Variants in COL25A1 observed in about 807,000 individuals in gnomAD.
COL25A1 encodes the protein collagen type XXV alpha 1 chain.
COL25A1 carries 103 observed loss-of-function variants against 128.4 expected under a neutral mutation model. The observed-to-expected ratio is 0.80, with a 90% CI of 0.68 to 0.94. The LOEUF (loss-of-function observed/expected upper bound fraction) is 0.94. Among genes scored for constraint, COL25A1 ranks in the 40% least tolerant of loss-of-function variants. The pLI, the probability that COL25A1 is intolerant of heterozygous loss-of-function variation, is 0.00. For synonymous variants in COL25A1, 279 were observed against 277.2 expected, an observed-to-expected ratio of 1.01 and a Z score of -0.06; for missense variants, 745 against 840.0, an observed-to-expected ratio of 0.89 and a Z score of 1.40.
At chr4:109,070,122 G>C (rs899191328) in intron 3 of COL25A1, among the ~76,000 whole-genome samples, 1 of 151,922 alleles carries the variant, frequency 6.6e-6, no homozygotes, top group East Asian at 1.9e-4. Context: ...AGCCGGGCAT[G>C]GGGTGTATGC....
At chr4:108,866,802 T>G (rs1737983486) in intron 20 of COL25A1, among the ~76,000 whole-genome samples, 2 of 152,210 alleles carry the variant, frequency 1.3e-5, no homozygotes, top group Admixed American at 1.3e-4. Flanking sequence ...CAACACAAAT[T>G]AGATATTTCA....
intron 11 of COL25A1, among the ~76,000 whole-genome samples, chr4:108,932,072 G>A (rs918006867): frequency 2.0e-5 from 3 of 152,080 alleles, no homozygotes; most frequent in African/African-American, 7.2e-5. Flanking sequence ...AAGGTTTGGG[G>A]GTCTTGCTTC....
intron 13 of COL25A1, among the ~76,000 whole-genome samples, chr4:108,911,850 C>T (rs1028226079): frequency 3.4e-5 from 5 of 145,324 alleles, no homozygotes; most frequent in African/African-American, 1.3e-4. Flanking sequence ...TTTACTTCCT[C>T]AGCTACCCCT....
intron 3 of COL25A1, among the ~76,000 whole-genome samples, chr4:109,178,233 C>T (rs1365641063): frequency 2.6e-5 from 4 of 152,176 alleles, no homozygotes; most frequent in African/African-American, 7.2e-5. Context: ...TTGCCAAATA[C>T]ATTTCGCCTA....
chr4:109,210,876 C>T (rs1429764225), intron 3 of COL25A1, among the ~76,000 whole-genome samples: 1 of 152,058 alleles, frequency 6.6e-6, no homozygotes, highest in Non-Finnish European at 1.5e-5. Flanking sequence ...TGCAGCAACA[C>T]GGATGGTGCT....
rs1725643035 is a variant in COL25A1 at position 109,302,358 on chromosome 4, G to T, written c.-246C>A. On this transcript the variant is annotated 5_prime_UTR_variant, in exon 1 of 38. It adds an upstream start codon to the 5' untranslated region. Transcript: ENST00000399132. ...GACACCTCTTTCGAGGGCCCCAACA[G>T]TGGCCGCTCAGGGTCCGAGGGCAAC... is the stretch of plus-strand genomic sequence containing the variant. 2 of 263,362 alleles carry T rather than the reference G, an allele frequency of 7.6e-6. No homozygotes were observed. The highest frequency in any genetic ancestry group is 1.4e-5 in the Non-Finnish European group (2 of 140,128). The allele number at this position is 263,362 out of a possible 1,614,324, so 16.3% of individuals were successfully genotyped here.
chr4:109,015,828 A>T (rs1757157215), intron 5 of COL25A1, among the ~76,000 whole-genome samples: 1 of 152,266 alleles, frequency 6.6e-6, no homozygotes, highest in South Asian at 2.1e-4. Flanking sequence ...ACAGGAGTAT[A>T]CATTACTTTA....
intron 6 of COL25A1, among the ~76,000 whole-genome samples, chr4:109,002,765 A>C (rs933007492): frequency 2.0e-5 from 3 of 150,026 alleles, no homozygotes; most frequent in African/African-American, 7.3e-5. Flanking sequence ...ATATAGATAC[A>C]TTTTTTTTTT....
Position 108,813,893 on chromosome 4 carries a change from T to A in COL25A1, c.*34A>T. The stretch of plus-strand genomic sequence containing the variant: ...TATAAATATTAAAAATGGACCCTTA[T>A]ATACACAACTTCATGCTTGAAAGGT... On this transcript the variant is annotated 3_prime_UTR_variant, in exon 38 of 38. Coordinates refer to ENST00000399132, the MANE Select transcript of COL25A1 (RefSeq NM_198721.4). The A allele has an allele frequency of 6.4e-7, 1 of 1,555,884 alleles. No individual in the cohort carries two copies. The highest frequency in any genetic ancestry group is 1.1e-5 in the South Asian group (1 of 87,844).
intron 3 of COL25A1, among the ~76,000 whole-genome samples, chr4:109,131,287 C>A (rs766541936): frequency 8.0e-5 from 12 of 149,380 alleles, no homozygotes; most frequent in Non-Finnish European, 1.5e-4. Flanking sequence ...TTACGGATTT[C>A]TTTTTACTTT....
At chr4:109,102,067 A>C (rs1466701186) in intron 3 of COL25A1, among the ~76,000 whole-genome samples, 1 of 152,228 alleles carries the variant, frequency 6.6e-6, no homozygotes, top group Non-Finnish European at 1.5e-5. Flanking sequence ...CATACAGAGC[A>C]TAATATGATT....
intron 3 of COL25A1, 48 bp downstream of exon 3, chr4:109,300,535 A>G (rs756983670): frequency 7.6e-7 from 1 of 1,317,658 alleles, no homozygotes. Flanking sequence ...CCTTTGTTTT[A>G]AAATGCTCTG....
intron 5 of COL25A1, among the ~76,000 whole-genome samples, chr4:109,022,621 T>G (rs188449909): frequency 5.1e-4 from 78 of 152,318 alleles, no homozygotes; most frequent in Non-Finnish European, 8.5e-4. Flanking sequence ...TGCATCATAA[T>G]TTTCATAATA....
chr4:108,986,041 CACTTA>C (rs1381843221), intron 6 of COL25A1, among the ~76,000 whole-genome samples: 3 of 152,170 alleles, frequency 2.0e-5, no homozygotes, highest in Non-Finnish European at 4.4e-5. Flanking sequence ...ATATTTGATT[CACTTA>C]ACTTAATCTA....
intron 11 of COL25A1, among the ~76,000 whole-genome samples, chr4:108,929,724 G>A (rs1174147317): frequency 1.3e-5 from 2 of 152,054 alleles, no homozygotes; most frequent in African/African-American, 2.4e-5. Context: ...AACTTGGGAG[G>A]CTGAGGCAGG....
At position 108,886,442 on chromosome 4, in the gene COL25A1, T is replaced by TTGTG. The variant is rs375825376; in HGVS notation, c.976-2224_976-2221dup. Among the ~76,000 whole-genome samples, 409 of 81,388 alleles carry TTGTG rather than the reference T, an allele frequency of 5.0e-3. 3 individuals are homozygous for TTGTG. Among genetic ancestry groups the TTGTG allele is most frequent in the African/African-American group, 0.014 (303 of 21,294 alleles). 53.4% of individuals were successfully genotyped at this position (81,388 alleles called of 152,430 possible). ...AACTTTCTTAAAGTGCTATGAGATTTTGTGTGTGTGTGTGTGTGTGTGTGT... is the reference window on the plus strand; with the variant it reads ...AACTTTCTTAAAGTGCTATGAGATTTTGTGTGTGTGTGTGTGTGTGTGTGTGTGT... On this transcript the variant is annotated intron_variant, in intron 18 of 37. Transcript: ENST00000399132.
At chr4:108,910,852 T>C (rs376122131) in intron 13 of COL25A1, among the ~76,000 whole-genome samples, 2 of 152,168 alleles carry the variant, frequency 1.3e-5, no homozygotes, top group Non-Finnish European at 2.9e-5. Flanking sequence ...TTAGTAATTA[T>C]GATATACTGC....
At chr4:109,077,637 G>A (rs1032263122) in intron 3 of COL25A1, among the ~76,000 whole-genome samples, 11 of 152,180 alleles carry the variant, frequency 7.2e-5, no homozygotes, top group African/African-American at 2.7e-4. Flanking sequence ...AGAGCAATGG[G>A]CAGCCATGGA....
At chr4:109,073,314 C>G (rs1763132406) in intron 3 of COL25A1, among the ~76,000 whole-genome samples, 1 of 152,150 alleles carries the variant, frequency 6.6e-6, no homozygotes, top group African/African-American at 2.4e-5. Flanking sequence ...TAAAATCACT[C>G]TAGGATTTGG....
Sources: gnomAD v4.1 joint callset for allele counts (sites outside exome capture counted in the v4.1 genomes callset) on GRCh38, gnomAD v4.1.1 for gene constraint, MANE v1.5 for transcripts, NCBI Gene and HGNC (gene_info 2026-07-23, HGNC 2026-07-21) for gene names.